The following MACF1 variants were observed in gnomAD, a reference collection of about 807,000 sequenced individuals.
MACF1 encodes microtubule actin crosslinking factor 1.
In MACF1, 193 loss-of-function variants were observed where a neutral mutation model predicts 854.8. The ratio of observed to expected loss-of-function variants is 0.23; its 90% CI spans 0.20 to 0.25. The LOEUF (loss-of-function observed/expected upper bound fraction) is 0.25. Ranked by LOEUF, MACF1 falls within the 10% of genes least tolerant of loss-of-function variation. MACF1 has a pLI of 1.00. For synonymous variants in MACF1, 3,185 were observed against 3,226.7 expected, an observed-to-expected ratio of 0.99 and a Z score of 0.44; for missense variants, 7,722 against 8,929.1, an observed-to-expected ratio of 0.86 and a Z score of 5.45.
chr1:39,462,510 G>C (rs1644575028), intron 93 of MACF1, among the ~76,000 whole-genome samples: 1 of 150,452 alleles, frequency 6.6e-6, no homozygotes, highest in South Asian at 2.1e-4. Flanking sequence ...TTCGAGACCA[G>C]CCTGGGCAAC....
intron 6 of MACF1, among the ~76,000 whole-genome samples, chr1:39,261,540 A>G (rs752473352): frequency 1.3e-5 from 2 of 152,210 alleles, no homozygotes; most frequent in Non-Finnish European, 2.9e-5. Context: ...GACATTTCAT[A>G]TAAATGGAAT....
intron 98 of MACF1, 68 bp from the exon 99 acceptor site, chr1:39,480,852 C>T: frequency 1.0e-5 from 8 of 778,730 alleles, no homozygotes; most frequent in Middle Eastern, 2.3e-4. Flanking sequence ...TTTTCTGTTC[C>T]CAATGTGCAC....
At chr1:39,380,406 A>T (rs1650073246) in intron 55 of MACF1, 33 bp downstream of exon 55, 12 of 1,595,462 alleles carry the variant, frequency 7.5e-6, no homozygotes, top group Non-Finnish European at 9.4e-6. Context: ...CAAATTTGCT[A>T]AGTTACTTGT....
At position 39,286,314 on chromosome 1, in the gene MACF1, C is replaced by T. The variant is rs556651998; in HGVS notation, c.1508+556C>T. ...TAGGCGTGAACCACTATATCTGGCC[C>T]ATTCTCATATATTTTAGAACGACCT... is the stretch of plus-strand genomic sequence containing the variant. On this transcript the variant is annotated intron_variant, in intron 14 of 100. Coordinates refer to ENST00000564288, the MANE Select transcript of MACF1 (RefSeq NM_001394062.1). 3.3e-5 allele frequency among the ~76,000 whole-genome samples: 5 copies of T among 151,992 alleles called. No homozygotes were observed. The South Asian group carries it at 8.3e-4, about 25-fold the overall frequency.
intron 2 of MACF1, among the ~76,000 whole-genome samples, chr1:39,238,572 A>G (rs1320638025): frequency 6.6e-6 from 1 of 152,146 alleles, no homozygotes; most frequent in African/African-American, 2.4e-5. Context: ...TGAACTTTGT[A>G]GTTGAATTCC....
chr1:39,164,388 G>A (rs1359123987), intron 2 of MACF1, among the ~76,000 whole-genome samples: 1 of 152,162 alleles, frequency 6.6e-6, no homozygotes, highest in Non-Finnish European at 1.5e-5. Flanking sequence ...TTGGCCCCTT[G>A]TCCTCTAGGG....
At chr1:39,190,619 G>A (rs374093318) in intron 2 of MACF1, among the ~76,000 whole-genome samples, 8 of 151,684 alleles carry the variant, frequency 5.3e-5, no homozygotes, top group East Asian at 1.9e-4. Flanking sequence ...GATTACAGAC[G>A]TGAGCCACCG....
chr1:39,254,389 A>G lies in MACF1; in HGVS notation c.435+14A>G, dbSNP rs777157328. The G allele has an allele frequency of 1.2e-5, 20 of 1,612,602 alleles. No individual in the cohort carries two copies. In the South Asian group the frequency reaches 1.9e-4, roughly 15 times the overall value. On this transcript the variant is annotated intron_variant, in intron 5 of 100. Coordinates refer to ENST00000564288, the MANE Select transcript of MACF1 (RefSeq NM_001394062.1). Reference sequence around the variant, plus strand: ...AAGCAGCGACAGGTAAGACCATCACATGCCTTCCCCATTCTTCCAGGCTGT... The same window carrying G: ...AAGCAGCGACAGGTAAGACCATCACGTGCCTTCCCCATTCTTCCAGGCTGT...
rs147147341 is a variant in MACF1 at position 39,412,343 on chromosome 1, A to G, written c.15817-10031A>G. 438 of 1,614,050 alleles carry G rather than the reference A, an allele frequency of 2.7e-4. 1 individual carries two copies. The African/African-American group carries it at 5.1e-3, about 19-fold the overall frequency. On this transcript the variant is annotated intron_variant, in intron 58 of 100. Coordinates refer to ENST00000564288, the MANE Select transcript of MACF1 (RefSeq NM_001394062.1). ...GAAAGTGGGAATGTAACTGTTAATC[A>G]AGAAAATAACAGTCTGACATCAATG...
intron 66 of MACF1, 46 bp from the exon 67 acceptor site, chr1:39,432,489 C>T: frequency 6.3e-7 from 1 of 1,598,926 alleles, no homozygotes; most frequent in Non-Finnish European, 8.6e-7. Context: ...TATGTGGAGA[C>T]TTGGCTGTAT....
chr1:39,462,210 T>C (rs1644567901), intron 93 of MACF1, among the ~76,000 whole-genome samples, 173 bp downstream of exon 93: 1 of 152,188 alleles, frequency 6.6e-6, no homozygotes, highest in South Asian at 2.1e-4. Context: ...TCCCAGAGGA[T>C]CTCTGACATC....
chr1:39,158,065 C>T (rs1643726558), intron 2 of MACF1, among the ~76,000 whole-genome samples: 1 of 152,116 alleles, frequency 6.6e-6, no homozygotes, highest in Non-Finnish European at 1.5e-5. Flanking sequence ...GATTTTCCCC[C>T]TTTAGTTATA....
chr1:39,481,117 C>A, intron 99 of MACF1, 87 bp downstream of exon 99: 2 of 760,336 alleles, frequency 2.6e-6, no homozygotes, highest in South Asian at 1.6e-5. Flanking sequence ...TGACACGAAT[C>A]CCTGCACTCT....
rs116288172 is a variant in MACF1 at position 39,392,417 on chromosome 1, A to G, written c.15816+3759A>G. 6.4e-3 allele frequency among the ~76,000 whole-genome samples: 977 copies of G among 152,352 alleles called. 2 individuals are homozygous for G. The highest frequency in any genetic ancestry group is 9.9e-3 in the Non-Finnish European group (674 of 68,040). On this transcript the variant is annotated intron_variant, in intron 58 of 100. Coordinates refer to ENST00000564288, the MANE Select transcript of MACF1 (RefSeq NM_001394062.1). Reference sequence around the variant, plus strand: ...TACTCCAGCAGCAGACCAGATTTATAAAGTATGACTCTGTTTTCAGATTCA... The same window carrying G: ...TACTCCAGCAGCAGACCAGATTTATGAAGTATGACTCTGTTTTCAGATTCA...
intron 58 of MACF1, among the ~76,000 whole-genome samples, chr1:39,403,030 TTC>T (rs1004230560): frequency 7.9e-5 from 12 of 152,074 alleles, no homozygotes; most frequent in African/African-American, 2.9e-4. Flanking sequence ...AAATCTATCT[TTC>T]TCTCTCTTTT....
intron 2 of MACF1, among the ~76,000 whole-genome samples, chr1:39,242,736 CAA>C (rs36020944): frequency 0.15 from 20,520 of 134,024 alleles, 1,520 homozygotes; most frequent in Non-Finnish European, 0.19. Flanking sequence ...ACCCTATCTC[CAA>C]AAAAAAAAAA....
At chr1:39,222,011 T>G (rs761947867) in intron 1 of MACF1, among the ~76,000 whole-genome samples, 4 of 152,170 alleles carry the variant, frequency 2.6e-5, no homozygotes, top group Non-Finnish European at 5.9e-5. Flanking sequence ...GCCTGGTTGC[T>G]CATCACACTG....
chr1:39,337,640 C>T (rs1213660323), intron 38 of MACF1, among the ~76,000 whole-genome samples: 2 of 142,726 alleles, frequency 1.4e-5, no homozygotes, highest in Non-Finnish European at 3.0e-5. Context: ...GATCTCGGCT[C>T]ACTGCAACCT....
At chr1:39,367,765 A>G (rs1648855553) in intron 49 of MACF1, among the ~76,000 whole-genome samples, 1 of 152,138 alleles carries the variant, frequency 6.6e-6, no homozygotes, top group Admixed American at 6.6e-5. Flanking sequence ...AGTGGATTGA[A>G]GTTGTCCTAC....
Sources: allele counts gnomAD v4.1 joint callset (sites outside exome capture counted in the v4.1 genomes callset), GRCh38; gene constraint gnomAD v4.1.1; transcripts MANE v1.5; gene names NCBI Gene and HGNC (gene_info 2026-07-23, HGNC 2026-07-21).